The following EFHD2 variants were observed in gnomAD, a reference collection of about 807,000 sequenced individuals.
EFHD2 encodes EF-hand domain-containing protein D2.
In EFHD2, 12 loss-of-function variants were observed where a neutral mutation model predicts 20.3. The observed-to-expected ratio is 0.59, with a 90% CI of 0.38 to 0.96. The LOEUF (loss-of-function observed/expected upper bound fraction) is 0.96. Ranked by LOEUF, EFHD2 falls within the 40% of genes least tolerant of loss-of-function variation. The probability of loss-of-function intolerance (pLI) is 0.00; values close to 1 mark genes in which losing one functional copy is unlikely to be tolerated. For missense variants in EFHD2, 250 were observed against 334.3 expected (o/e 0.75, Z 1.97); for synonymous variants, 131 against 143.9 (o/e 0.91, Z 0.64).
intron 3 of EFHD2, 52 bp downstream of exon 3, chr1:15,427,336 G>T: frequency 6.4e-7 from 1 of 1,565,438 alleles, no homozygotes; most frequent in Non-Finnish European, 8.7e-7. Flanking sequence ...AGGGGACCCT[G>T]GGTTGGTGCG....
chr1:15,428,214 C>T (rs111838862), intron 3 of EFHD2, among the ~76,000 whole-genome samples: 2,024 of 152,178 alleles, frequency 0.013, 39 homozygotes, highest in African/African-American at 0.045. Flanking sequence ...GTCATAAGGC[C>T]GGGCGCAGTG....
Position 15,414,232 on chromosome 1 carries a change from G to A in EFHD2, c.308+3953G>A, listed in dbSNP as rs944805952. Reference sequence around the variant, plus strand: ...GCCACTTCATCTCAGGACACCTTACGTCAGAGAGGCAGGCTTTCCTTTCCT... The same window carrying A: ...GCCACTTCATCTCAGGACACCTTACATCAGAGAGGCAGGCTTTCCTTTCCT... On this transcript the variant is annotated intron_variant, in intron 1 of 3. Coordinates refer to ENST00000375980, the MANE Select transcript of EFHD2 (RefSeq NM_024329.6). Among the ~76,000 whole-genome samples the A allele has an allele frequency of 2.6e-5, 4 of 152,192 alleles. No individual in the cohort carries two copies. The South Asian group carries it at 6.2e-4, about 24-fold the overall frequency.
intron 1 of EFHD2, among the ~76,000 whole-genome samples, chr1:15,425,515 A>G (rs2103279528): frequency 6.8e-6 from 1 of 147,504 alleles, no homozygotes; most frequent in East Asian, 2.0e-4. Flanking sequence ...ACGGAGCGAG[A>G]CTCCATCTCA....
At chr1:15,410,538 T>C (rs528669954) in intron 1 of EFHD2, among the ~76,000 whole-genome samples, 312 of 152,078 alleles carry the variant, frequency 2.1e-3, no homozygotes, top group Middle Eastern at 6.8e-3. Context: ...CGGTACACCA[T>C]AGACGCGTCC....
intron 1 of EFHD2, 51 bp downstream of exon 1, chr1:15,410,330 G>A (rs1707456020): frequency 1.3e-6 from 2 of 1,508,030 alleles, no homozygotes; most frequent in Non-Finnish European, 1.8e-6. Context: ...CCCGGTCTCG[G>A]GCCCCGAACC....
At chr1:15,423,333 C>T (rs1707824343) in intron 1 of EFHD2, among the ~76,000 whole-genome samples, 3 of 152,198 alleles carry the variant, frequency 2.0e-5, no homozygotes, top group African/African-American at 7.2e-5. Context: ...ACCCTGTGTT[C>T]CCTCCAGGGC....
At chr1:15,411,077 C>G (rs1557495118) in intron 1 of EFHD2, among the ~76,000 whole-genome samples, 1 of 152,034 alleles carries the variant, frequency 6.6e-6, no homozygotes, top group Non-Finnish European at 1.5e-5. Flanking sequence ...GGCCGAGTCC[C>G]CTCCGGGTTT....
intron 3 of EFHD2, chr1:15,427,777 CG>C: frequency 1.0e-5 from 4 of 387,964 alleles, no homozygotes; most frequent in Admixed American, 3.2e-5. Flanking sequence ...CCTGCCCACC[CG>C]GGGCCCCAGC....
chr1:15,414,954 A>C (rs1433831415), intron 1 of EFHD2, among the ~76,000 whole-genome samples: 3 of 152,202 alleles, frequency 2.0e-5, no homozygotes, highest in African/African-American at 7.2e-5. Flanking sequence ...GGGACTCAGC[A>C]TCTCTGAGCC....
chr1:15,410,212 A>G lies in EFHD2; in HGVS notation c.241A>G (p.Asn81Asp), dbSNP rs1235429776. The G allele has an allele frequency of 6.2e-7, 1 of 1,605,778 alleles. No homozygotes were observed. The highest frequency in any genetic ancestry group is 8.5e-7 in the Non-Finnish European group (1 of 1,177,016). ...CCAGTCGCCCAGCCGCCGCGTCTTC[A>G]ACCCCTACACCGAGTTCAAGGAGTT... ...EPQSPSRRVF[N>D]PYTEFKEFSR... Residue 81 changes from asparagine (N) to aspartate (D), a missense_variant, in exon 1 of 4, where the codon AAC becomes GAC. Physicochemically the swap from Asn to Asp is conservative, Grantham distance 23. This residue lies in a region of EFHD2 where 143 missense variants were observed against 190.6 expected (regional missense o/e 0.75). Coordinates refer to ENST00000375980, the MANE Select transcript of EFHD2 (RefSeq NM_024329.6).
At chr1:15,421,425 G>A (rs553565356) in intron 1 of EFHD2, among the ~76,000 whole-genome samples, 82 of 152,236 alleles carry the variant, frequency 5.4e-4, no homozygotes, top group African/African-American at 1.8e-3. Flanking sequence ...CGCAGCCCCC[G>A]TCACCTCCTC....
At chr1:15,423,865 G>A (rs574710686) in intron 1 of EFHD2, among the ~76,000 whole-genome samples, 24 of 152,216 alleles carry the variant, frequency 1.6e-4, no homozygotes, top group African/African-American at 5.8e-4. Context: ...TCAAGGCCTG[G>A]GGGACTGCAC....
chr1:15,410,340 C>G, intron 1 of EFHD2, 61 bp downstream of exon 1: 1 of 1,487,132 alleles, frequency 6.7e-7, no homozygotes, highest in South Asian at 1.3e-5. Context: ...GGCCCCGAAC[C>G]CCCCGATCCC....
At chr1:15,416,120 A>T (rs1013511203) in intron 1 of EFHD2, among the ~76,000 whole-genome samples, 1 of 151,718 alleles carries the variant, frequency 6.6e-6, no homozygotes, top group African/African-American at 2.4e-5. Context: ...CCTCTGAGTC[A>T]CCTCTCCTTC....
intron 1 of EFHD2, among the ~76,000 whole-genome samples, chr1:15,423,824 C>G (rs1352728791): frequency 6.6e-6 from 1 of 152,154 alleles, no homozygotes; most frequent in East Asian, 1.9e-4. Context: ...CTGTGTTGCG[C>G]TGCTGTCACC....
At chr1:15,424,098 G>A (rs1475882302) in intron 1 of EFHD2, among the ~76,000 whole-genome samples, 11 of 151,414 alleles carry the variant, frequency 7.3e-5, no homozygotes, top group South Asian at 2.1e-4. Context: ...AGGCTGAGGC[G>A]GGAGGATCGC....
chr1:15,418,388 C>G (rs1707720108), intron 1 of EFHD2, among the ~76,000 whole-genome samples: 1 of 146,946 alleles, frequency 6.8e-6, no homozygotes. Flanking sequence ...TCACTGCAAG[C>G]TCCGCCTCCT....
rs1035748256 is a variant in EFHD2 at position 15,415,734 on chromosome 1, C to G, written c.308+5455C>G. Among the ~76,000 whole-genome samples, 4 of 152,272 alleles carry G rather than the reference C, an allele frequency of 2.6e-5. No individual in the cohort carries two copies. In the South Asian group the frequency reaches 6.2e-4, roughly 24 times the overall value. On this transcript the variant is annotated intron_variant, in intron 1 of 3. Transcript: ENST00000375980. Reference sequence around the variant, plus strand: ...CGAACTTCTGACCTCAAGTGATCTGCCCGCCTCAGCCTCCCAAAGTGCTGG... The same window carrying G: ...CGAACTTCTGACCTCAAGTGATCTGGCCGCCTCAGCCTCCCAAAGTGCTGG...
chr1:15,421,420 C>T (rs1324149655), intron 1 of EFHD2, among the ~76,000 whole-genome samples: 2 of 152,202 alleles, frequency 1.3e-5, no homozygotes, highest in Non-Finnish European at 2.9e-5. Flanking sequence ...CCTCTCGCAG[C>T]CCCCGTCACC....
Sources: allele counts gnomAD v4.1 joint callset (sites outside exome capture counted in the v4.1 genomes callset), GRCh38; gene constraint gnomAD v4.1.1; regional missense constraint gnomAD v4.1.1; transcripts MANE v1.5; gene names NCBI Gene and HGNC (gene_info 2026-07-23, HGNC 2026-07-21).